Variants in DLG5 observed in about 807,000 individuals in gnomAD.
DLG5 encodes discs large MAGUK scaffold protein 5.
A neutral mutation model predicts 189.8 loss-of-function variants in DLG5; 48 were observed. The ratio of observed to expected loss-of-function variants is 0.25; its 90% CI spans 0.20 to 0.32. The LOEUF (loss-of-function observed/expected upper bound fraction) is 0.32. Among genes scored for constraint, DLG5 ranks in the 10% least tolerant of loss-of-function variants. The probability of loss-of-function intolerance (pLI) is 1.00; values close to 1 mark genes in which losing one functional copy is unlikely to be tolerated. For missense variants in DLG5, 2,160 were observed against 2,544.7 expected, an observed-to-expected ratio of 0.85 and a Z score of 3.25; for synonymous variants, 1,016 against 1,054.1, an observed-to-expected ratio of 0.96 and a Z score of 0.70.
chr10:77,821,540 G>C lies in DLG5; in HGVS notation c.2944C>G (p.Pro982Ala), dbSNP rs376102171. 6.2e-7 allele frequency: 1 copy of C among 1,612,850 alleles called. No homozygotes were observed. The highest frequency in any genetic ancestry group is 8.5e-7 in the Non-Finnish European group (1 of 1,180,026). Reference protein sequence around the residue: ...SIFDPNTFKRPQTPPKIDYLL... With the variant: ...SIFDPNTFKRAQTPPKIDYLL... ...TAGTCTATTTTGGGGGGTGTCTGGGGGCGTTTGAAAGTGTTAGGGTCAAAG... is the reference window on the plus strand; with the variant it reads ...TAGTCTATTTTGGGGGGTGTCTGGGCGCGTTTGAAAGTGTTAGGGTCAAAG... Residue 982 changes from proline to alanine, a missense_variant, in exon 15 of 32, where the codon CCC becomes GCC. Physicochemically the swap from Pro to Ala is conservative, Grantham distance 27. Transcript: ENST00000372391.
At position 77,812,354 on chromosome 10, in the gene DLG5, T is replaced by A. The variant is rs1452209271; in HGVS notation, c.4049A>T (p.His1350Leu). 1 of 1,613,164 alleles carries A rather than the reference T, an allele frequency of 6.2e-7. No individual in the cohort carries two copies. The highest frequency in any genetic ancestry group is 2.2e-5 in the East Asian group (1 of 44,828). ...CTCTGAGCCCTTCTGCACCTTCACGTGGCGTGGCTCCTCCACATAAGGCCT... is the reference window on the plus strand; with the variant it reads ...CTCTGAGCCCTTCTGCACCTTCACGAGGCGTGGCTCCTCCACATAAGGCCT... ...KDRPYVEEPR[H>L]VKVQKGSEPL... The change falls in exon 21 of 32, where the codon CAC becomes CTC. Residue 1350 changes from histidine to leucine, a missense_variant. His to Leu is a moderately conservative substitution (Grantham distance 99, BLOSUM62 -3). Transcript: ENST00000372391.
intron 2 of DLG5, among the ~76,000 whole-genome samples, chr10:77,865,703 G>T (rs1009399285): frequency 6.6e-6 from 1 of 152,154 alleles, no homozygotes; most frequent in East Asian, 1.9e-4. Context: ...GGTAGGGTCG[G>T]GGGCAGGTCA....
intron 1 of DLG5, among the ~76,000 whole-genome samples, chr10:77,870,500 T>C (rs919081423): frequency 8.6e-5 from 13 of 151,904 alleles, no homozygotes; most frequent in African/African-American, 2.4e-4. Context: ...CTGGGCAACA[T>C]AGTGAAACTC....
intron 2 of DLG5, among the ~76,000 whole-genome samples, chr10:77,863,128 G>T (rs753063391): frequency 2.6e-5 from 4 of 152,092 alleles, no homozygotes; most frequent in Non-Finnish European, 5.9e-5. Context: ...GTCTTGCTCT[G>T]TCACCCAGGC....
intron 1 of DLG5, among the ~76,000 whole-genome samples, chr10:77,881,221 G>C (rs1289627331): frequency 6.6e-6 from 1 of 151,946 alleles, no homozygotes; most frequent in Non-Finnish European, 1.5e-5. Context: ...CCTCCTTTCT[G>C]ACAAGATCAG....
In DLG5 at chr10:77,791,124, A is replaced by T. The variant is rs1037019922; in HGVS notation, c.*1316T>A. The stretch of plus-strand genomic sequence containing the variant: ...TATCCCTTTTTAAAAAACATCAGTT[A>T]TGGCTAAACTACAATCTAGTGTCTA... On this transcript the variant is annotated 3_prime_UTR_variant, in exon 32 of 32. Coordinates refer to ENST00000372391, the MANE Select transcript of DLG5 (RefSeq NM_004747.4). The T allele has an allele frequency of 2.0e-5, 3 of 152,696 alleles. No individual in the cohort carries two copies. Among genetic ancestry groups the T allele is most frequent in the African/African-American group, 7.2e-5 (3 of 41,472 alleles). The allele number at this position is 152,696 out of a possible 1,614,324, so 9.5% of individuals were successfully genotyped here. A position where few individuals can be genotyped will look rare whatever the true frequency, so the allele number is the denominator to read the frequency against.
In DLG5 at chr10:77,819,963, G is replaced by A. The variant is rs1842255635; in HGVS notation, c.3458C>T (p.Ala1153Val). The change falls in exon 16 of 32, where the codon GCA (alanine) becomes GTA (valine). Residue 1153 changes from alanine to valine, a missense_variant. Transcript: ENST00000372391. Reference sequence around the variant, plus strand: ...GCTGGAATGCCCAGGCGAGTAAGGTGCCCACTCCTGGAGCTCCGGGGAGAG... The same window carrying A: ...GCTGGAATGCCCAGGCGAGTAAGGTACCCACTCCTGGAGCTCCGGGGAGAG... ...GELSPELQEW[A>V]PYSPGHSSRH... is the part of the protein sequence containing the mutation. 2.5e-6 allele frequency: 4 copies of A among 1,612,546 alleles called. No individual in the cohort carries two copies. In the Admixed American group the frequency reaches 5.0e-5, roughly 20 times the overall value.
rs1054499679 is a variant in DLG5 at position 77,838,526 on chromosome 10, G to A, written c.1438-2604C>T. On this transcript the variant is annotated intron_variant, in intron 7 of 31. Transcript: ENST00000372391. ...CTGGCAAAGATCCTGACAGGCCCCC[G>A]GCCTCCCCATGCTACCTCTTTGCTC... Among the ~76,000 whole-genome samples, 7 of 152,170 alleles carry A rather than the reference G, an allele frequency of 4.6e-5. No homozygotes were observed. The South Asian group carries it at 6.2e-4, about 13-fold the overall frequency.
At chr10:77,810,801 G>A (rs1841726480) in intron 23 of DLG5, among the ~76,000 whole-genome samples, 1 of 152,200 alleles carries the variant, frequency 6.6e-6, no homozygotes, top group East Asian at 1.9e-4. Context: ...TGATGACTGT[G>A]GGAATGTGTC....
At chr10:77,853,578 C>T (rs1368693954) in intron 4 of DLG5, 41 bp from the exon 5 acceptor site, 1 of 1,486,432 alleles carries the variant, frequency 6.7e-7, no homozygotes, top group Non-Finnish European at 9.0e-7. Context: ...CCAGCCAGCC[C>T]CTCACACCCC....
At chr10:77,909,711 A>G (rs2131830643) in intron 1 of DLG5, among the ~76,000 whole-genome samples, 1 of 152,038 alleles carries the variant, frequency 6.6e-6, no homozygotes, top group East Asian at 1.9e-4. Context: ...ATATACTCAC[A>G]CCCACAGCCC....
intron 1 of DLG5, among the ~76,000 whole-genome samples, chr10:77,908,891 A>C (rs1235155978): frequency 6.6e-6 from 1 of 152,196 alleles, no homozygotes; most frequent in Non-Finnish European, 1.5e-5. Flanking sequence ...CACAAAATGG[A>C]AGGTGAGAAG....
chr10:77,895,801 G>A (rs2154577732), intron 1 of DLG5, among the ~76,000 whole-genome samples: 1 of 152,216 alleles, frequency 6.6e-6, no homozygotes, highest in Admixed American at 6.5e-5. Context: ...CTTGAGGTCA[G>A]GAGTTCAAGA....
In DLG5 at chr10:77,843,551, C is replaced by T; in HGVS notation, c.1020G>A (p.Gln340=). 1 of 1,614,226 alleles carries T rather than the reference C, an allele frequency of 6.2e-7. No homozygotes were observed. Among genetic ancestry groups the T allele is most frequent in the Non-Finnish European group, 8.5e-7 (1 of 1,180,038 alleles). ...GCAACCGCTGGTTCTCCTCCCCCAGCTGCTCCAGGCGGCTCAGGTCTGCAT... is the reference window on the plus strand; with the variant it reads ...GCAACCGCTGGTTCTCCTCCCCCAGTTGCTCCAGGCGGCTCAGGTCTGCAT... ...IHNADLSRLE[Q]LGEENQRLLK... Residue 340 remains glutamine, a synonymous_variant, in exon 6 of 32, where the codon CAG becomes CAA. Coordinates refer to ENST00000372391, the MANE Select transcript of DLG5 (RefSeq NM_004747.4).
chr10:77,801,102 C>T (rs1291288547), intron 27 of DLG5, among the ~76,000 whole-genome samples: 1 of 152,166 alleles, frequency 6.6e-6, no homozygotes, highest in Non-Finnish European at 1.5e-5. Context: ...TAAACAATAA[C>T]TAGGCATATC....
At chr10:77,906,728 G>A (rs902495204) in intron 1 of DLG5, among the ~76,000 whole-genome samples, 7 of 148,094 alleles carry the variant, frequency 4.7e-5, no homozygotes, top group African/African-American at 1.2e-4. Flanking sequence ...CAGTTCAAGC[G>A]ACTCTCCTAT....
At chr10:77,923,477 C>T (rs67059283) in intron 1 of DLG5, among the ~76,000 whole-genome samples, 29,122 of 152,236 alleles carry the variant, frequency 0.19, 3,377 homozygotes, top group South Asian at 0.27. Context: ...GCCTCCCCTG[C>T]GCCGGGGCAG....
chr10:77,833,859 G>A, intron 9 of DLG5, 55 bp downstream of exon 9: 2 of 1,590,794 alleles, frequency 1.3e-6, no homozygotes, highest in South Asian at 1.1e-5. Context: ...GAAGGGAGAG[G>A]GGCCCCAGGC....
At chr10:77,918,174 G>A (rs1475561542) in intron 1 of DLG5, among the ~76,000 whole-genome samples, 1 of 152,090 alleles carries the variant, frequency 6.6e-6, no homozygotes, top group Non-Finnish European at 1.5e-5. Context: ...ACTTTGAGAG[G>A]CCAAGGTGGG....
Sources: allele counts gnomAD v4.1 joint callset (sites outside exome capture counted in the v4.1 genomes callset), GRCh38; gene constraint gnomAD v4.1.1; transcripts MANE v1.5; gene names NCBI Gene and HGNC (gene_info 2026-07-23, HGNC 2026-07-21).